The following IL18R1 variants were observed in gnomAD, a reference collection of about 807,000 sequenced individuals.
The protein encoded by IL18R1 is interleukin 18 receptor 1, also known as interleukin-18 receptor 1.
IL18R1 carries 40 observed loss-of-function variants against 48.5 expected under a neutral mutation model. The observed-to-expected ratio is 0.82, with a 90% CI of 0.64 to 1.07. The LOEUF is 1.07. IL18R1 is among the 50% of genes least tolerant of loss of function. The pLI is 0.00. For synonymous variants in IL18R1, 232 were observed against 225.9 expected (o/e 1.03, Z -0.24); for missense variants, 596 against 633.7 (o/e 0.94, Z 0.64).
chr2:102,376,769 C>T (rs948284604), intron 5 of IL18R1, among the ~76,000 whole-genome samples: 1 of 152,184 alleles, frequency 6.6e-6, no homozygotes, highest in Admixed American at 6.5e-5. Context: ...TTAAACCTCA[C>T]CCAGTGAAGA....
At chr2:102,357,133 C>T (rs1032171893) in intron 1 of IL18R1, among the ~76,000 whole-genome samples, 5 of 152,114 alleles carry the variant, frequency 3.3e-5, no homozygotes, top group Admixed American at 3.3e-4. Flanking sequence ...TGGGTTTGTG[C>T]AGGTTCTGGG....
chr2:102,363,286 G>A (rs549119000), intron 2 of IL18R1, among the ~76,000 whole-genome samples: 15 of 152,148 alleles, frequency 9.9e-5, no homozygotes, highest in African/African-American at 3.1e-4. Context: ...GGCTTTGGGG[G>A]AGAAAGTGGG....
intron 2 of IL18R1, among the ~76,000 whole-genome samples, chr2:102,367,037 A>G (rs755681957): frequency 1.2e-4 from 19 of 152,214 alleles, no homozygotes; most frequent in Non-Finnish European, 5.9e-5. Flanking sequence ...AGTGCACCCG[A>G]GAGTCACTGG....
intron 9 of IL18R1, 81 bp downstream of exon 9, chr2:102,390,298 T>C: frequency 8.0e-7 from 1 of 1,255,036 alleles, no homozygotes; most frequent in Non-Finnish European, 1.1e-6. Flanking sequence ...TTCATCTTAT[T>C]GTGATGATAT....
intron 3 of IL18R1, among the ~76,000 whole-genome samples, chr2:102,371,043 C>CTTTT (rs386390779): frequency 1.3e-4 from 19 of 151,394 alleles, no homozygotes; most frequent in Non-Finnish European, 2.7e-4. Flanking sequence ...TCCAGATCAC[C>CTTTT]TTTTTTTGTT....
intron 1 of IL18R1, among the ~76,000 whole-genome samples, chr2:102,358,882 A>G (rs1054606775): frequency 1.3e-5 from 2 of 152,246 alleles, no homozygotes; most frequent in African/African-American, 4.8e-5. Context: ...TGTATATTTT[A>G]TGGATGTAAT....
intron 5 of IL18R1, among the ~76,000 whole-genome samples, chr2:102,380,091 C>T (rs1051995328): frequency 2.6e-5 from 4 of 152,154 alleles, no homozygotes; most frequent in South Asian, 2.1e-4. Context: ...TCTGGCTGAT[C>T]GGGTGGCGTC....
At chr2:102,357,132 G>A (rs942771285) in intron 1 of IL18R1, among the ~76,000 whole-genome samples, 1 of 152,168 alleles carries the variant, frequency 6.6e-6, no homozygotes, top group African/African-American at 2.4e-5. Context: ...TTGGGTTTGT[G>A]CAGGTTCTGG....
intron 1 of IL18R1, among the ~76,000 whole-genome samples, chr2:102,362,274 C>G (rs894233138): frequency 7.9e-5 from 12 of 152,202 alleles, no homozygotes; most frequent in Non-Finnish European, 1.2e-4. Flanking sequence ...CCATACATAG[C>G]TCAGCATGTC....
chr2:102,365,099 A>C (rs575278309), intron 2 of IL18R1, among the ~76,000 whole-genome samples: 8 of 152,214 alleles, frequency 5.3e-5, no homozygotes, highest in Admixed American at 2.6e-4. Flanking sequence ...AAACACAATC[A>C]TGCCCTTCTA....
chr2:102,391,917 G>T (rs565068099), intron 9 of IL18R1, among the ~76,000 whole-genome samples: 2 of 151,970 alleles, frequency 1.3e-5, no homozygotes, highest in Non-Finnish European at 2.9e-5. Context: ...TTTATTTTGC[G>T]TATTTATTTC....
At chr2:102,361,684 G>A (rs535178968) in intron 1 of IL18R1, among the ~76,000 whole-genome samples, 1 of 152,248 alleles carries the variant, frequency 6.6e-6, no homozygotes, top group East Asian at 1.9e-4. Context: ...TGGCAGCCCA[G>A]GTTTGTGTGT....
At chr2:102,372,667 T>C (rs1437826593) in intron 4 of IL18R1, among the ~76,000 whole-genome samples, 1 of 152,174 alleles carries the variant, frequency 6.6e-6, no homozygotes, top group Non-Finnish European at 1.5e-5. Flanking sequence ...TTTTTTCCTC[T>C]AAGAATTACG....
intron 1 of IL18R1, among the ~76,000 whole-genome samples, chr2:102,357,823 G>C (rs936309647): frequency 2.6e-5 from 4 of 152,086 alleles, no homozygotes; most frequent in Admixed American, 2.6e-4. Context: ...TGATTTTCTT[G>C]GCCTTACAGA....
At chr2:102,384,388 T>C (rs11465640) in intron 6 of IL18R1, among the ~76,000 whole-genome samples, 322 of 152,360 alleles carry the variant, frequency 2.1e-3, no homozygotes, top group African/African-American at 7.5e-3. Flanking sequence ...TTCTGTTAAT[T>C]ACAAACCAAA....
chr2:102,390,322 T>C, intron 9 of IL18R1, 105 bp downstream of exon 9: 5 of 1,065,440 alleles, frequency 4.7e-6, no homozygotes, highest in Non-Finnish European at 6.9e-6. Context: ...AGAATTAATC[T>C]GTGGGAGAGG....
At chr2:102,386,720 C>T in intron 7 of IL18R1, 141 bp from the exon 8 acceptor site, 1 of 828,430 alleles carries the variant, frequency 1.2e-6, no homozygotes, top group Non-Finnish European at 1.9e-6. Context: ...TATTGTAGTC[C>T]ATGCTTTAAG....
chr2:102,396,387 A>G, intron 10 of IL18R1, 144 bp from the exon 11 acceptor site: 1 of 541,666 alleles, frequency 1.8e-6, no homozygotes, highest in Non-Finnish European at 3.2e-6. Context: ...AGCATATAAA[A>G]TTAAGAACAA....
At chr2:102,381,236 C>G (rs541692962) in intron 5 of IL18R1, among the ~76,000 whole-genome samples, 3 of 152,330 alleles carry the variant, frequency 2.0e-5, no homozygotes, top group Admixed American at 6.5e-5. Context: ...TGTCTTGGCC[C>G]TGCAACCTGT....
Sources: gnomAD v4.1 joint callset for allele counts (sites outside exome capture counted in the v4.1 genomes callset) on GRCh38, gnomAD v4.1.1 for gene constraint, MANE v1.5 for transcripts, NCBI Gene and HGNC (gene_info 2026-07-23, HGNC 2026-07-21) for gene names.